PDE1A: variants seen among roughly 807,000 people sequenced by gnomAD.
The protein encoded by PDE1A is dual specificity calcium/calmodulin-dependent 3',5'-cyclic nucleotide phosphodiesterase 1A.
PDE1A carries 35 observed loss-of-function variants against 61.7 expected under a neutral mutation model. The ratio of observed to expected loss-of-function variants is 0.57; its 90% CI spans 0.43 to 0.75. The LOEUF is 0.75. Among genes scored for constraint, PDE1A ranks in the 30% least tolerant of loss-of-function variants. The pLI, the probability that PDE1A is intolerant of heterozygous loss-of-function variation, is 0.00. For missense variants in PDE1A, 597 were observed against 630.6 expected, an observed-to-expected ratio of 0.95 and a Z score of 0.57; for synonymous variants, 232 against 213.2, an observed-to-expected ratio of 1.09 and a Z score of -0.77.
At chr2:182,669,518 T>C in the PDE1A span, among the ~76,000 whole-genome samples, 191 of 152,298 alleles carry the variant, frequency 1.3e-3, 1 homozygote, top group South Asian at 9.7e-3. Context: ...CTTTACCTTT[T>C]GTTAAGATCT....
At chr2:182,229,684 C>T (rs988973860) in intron 6 of PDE1A, among the ~76,000 whole-genome samples, 3 of 151,874 alleles carry the variant, frequency 2.0e-5, no homozygotes, top group African/African-American at 7.3e-5. Context: ...AACTTTCTTT[C>T]TAAAGACTTT....
intron 1 of PDE1A, among the ~76,000 whole-genome samples, chr2:182,379,420 C>A (rs965350210): frequency 6.6e-6 from 1 of 152,192 alleles, no homozygotes; most frequent in African/African-American, 2.4e-5. Flanking sequence ...AAGCACATGG[C>A]CCTTGCTGAC....
intron 1 of PDE1A, among the ~76,000 whole-genome samples, chr2:182,290,088 T>C (rs1362008648): frequency 6.6e-6 from 1 of 152,140 alleles, no homozygotes. Context: ...AATTGTGGAA[T>C]TAAATTAAAA....
At chr2:182,622,269 C>A in the PDE1A span, among the ~76,000 whole-genome samples, 1,904 of 152,228 alleles carry the variant, frequency 0.013, 13 homozygotes, top group Middle Eastern at 0.02. Context: ...TTTTTAATGT[C>A]CATGTCCTGG....
chr2:182,253,330 C>T (rs1691542061), intron 2 of PDE1A, among the ~76,000 whole-genome samples: 1 of 152,136 alleles, frequency 6.6e-6, no homozygotes, highest in African/African-American at 2.4e-5. Flanking sequence ...AGTAAGTTGA[C>T]TCCAGTAAGG....
intron 2 of PDE1A, among the ~76,000 whole-genome samples, chr2:182,497,074 T>C (rs997533249): frequency 2.0e-5 from 3 of 152,218 alleles, no homozygotes; most frequent in African/African-American, 7.2e-5. Flanking sequence ...AATTTTAATT[T>C]ATTTTAAATT....
the PDE1A span, among the ~76,000 whole-genome samples, chr2:182,555,741 G>A: frequency 2.6e-5 from 4 of 151,876 alleles, no homozygotes; most frequent in East Asian, 3.9e-4. Context: ...TGAGGCAGGC[G>A]AATCACCTGA....
chr2:182,427,022 G>T (rs1412348922), exon 1 of PDE1A: 1 of 995,808 alleles, frequency 1.0e-6, no homozygotes, highest in African/African-American at 1.7e-5. Context: ...CCACATGCTG[G>T]TCAAGCTCCG....
At chr2:182,575,791 TTAG>T in the PDE1A span, among the ~76,000 whole-genome samples, 6 of 146,566 alleles carry the variant, frequency 4.1e-5, no homozygotes, top group Admixed American at 3.4e-4. Flanking sequence ...TTATTAATAA[TTAG>T]TATTATTAAT....
chr2:182,696,829 T>C, the PDE1A span, among the ~76,000 whole-genome samples: 1 of 152,216 alleles, frequency 6.6e-6, no homozygotes, highest in African/African-American at 2.4e-5. Flanking sequence ...GTATGAAGCA[T>C]GAAGCAATAT....
chr2:182,490,328 T>C (rs1688301184), intron 2 of PDE1A, among the ~76,000 whole-genome samples: 1 of 152,228 alleles, frequency 6.6e-6, no homozygotes, highest in Non-Finnish European at 1.5e-5. Context: ...GAACTTTGAC[T>C]TACAGGAGGA....
the PDE1A span, among the ~76,000 whole-genome samples, chr2:182,688,768 T>G: frequency 6.6e-6 from 1 of 152,214 alleles, no homozygotes; most frequent in Non-Finnish European, 1.5e-5. Flanking sequence ...ATCAGTCTGC[T>G]GTATTCAGGA....
chr2:182,147,937 T>C (rs978544015), intron 13 of PDE1A, among the ~76,000 whole-genome samples: 4 of 152,226 alleles, frequency 2.6e-5, no homozygotes, highest in Non-Finnish European at 5.9e-5. Flanking sequence ...CTTTAACATA[T>C]ATTGTAGCAT....
At chr2:182,198,390 A>G (rs1267782695) in intron 10 of PDE1A, among the ~76,000 whole-genome samples, 1 of 151,870 alleles carries the variant, frequency 6.6e-6, no homozygotes, top group Non-Finnish European at 1.5e-5. Context: ...TAGAACTTCA[A>G]ATGCAATGTT....
chr2:182,533,279 C>A, the PDE1A span, among the ~76,000 whole-genome samples: 42 of 152,306 alleles, frequency 2.8e-4, no homozygotes, highest in East Asian at 6.2e-3. Context: ...CCACTGCACT[C>A]CAGCCTGGGT....
At chr2:182,173,052 C>T (rs1300463322) in intron 13 of PDE1A, among the ~76,000 whole-genome samples, 1 of 151,972 alleles carries the variant, frequency 6.6e-6, no homozygotes, top group Non-Finnish European at 1.5e-5. Flanking sequence ...GTTCCCATTG[C>T]CATTTCCTGA....
chr2:182,321,899 C>A (rs541356045), intron 1 of PDE1A, among the ~76,000 whole-genome samples: 1 of 152,168 alleles, frequency 6.6e-6, no homozygotes, highest in Non-Finnish European at 1.5e-5. Context: ...TTATAAACCA[C>A]CAGGCTAGAT....
At chr2:182,579,552 T>C in the PDE1A span, among the ~76,000 whole-genome samples, 2 of 152,200 alleles carry the variant, frequency 1.3e-5, no homozygotes, top group Non-Finnish European at 2.9e-5. Context: ...TTTTCAGTTC[T>C]CCCCAAGTGG....
intron 2 of PDE1A, among the ~76,000 whole-genome samples, chr2:182,483,662 T>C (rs1687837455): frequency 3.3e-5 from 5 of 151,700 alleles, no homozygotes. Flanking sequence ...AAAGAAAATA[T>C]AGCTGTCAAT....
Sources: allele counts gnomAD v4.1 joint callset (sites outside exome capture counted in the v4.1 genomes callset), GRCh38; gene constraint gnomAD v4.1.1; transcripts MANE v1.5; gene names NCBI Gene and HGNC (gene_info 2026-07-23, HGNC 2026-07-21).